The following ACTN2 variants were observed in gnomAD, a reference collection of about 807,000 sequenced individuals.
The protein encoded by ACTN2 is alpha-actinin-2.
In ACTN2, 39 loss-of-function variants were observed where a neutral mutation model predicts 113.8. The observed-to-expected ratio is 0.34, with a 90% CI of 0.27 to 0.45. ACTN2 has a LOEUF of 0.45. ACTN2 is among the 20% of genes least tolerant of loss of function. The pLI is 1.00. For synonymous variants in ACTN2, 429 were observed against 444.1 expected (o/e 0.97, Z 0.43); for missense variants, 992 against 1,177.9 (o/e 0.84, Z 2.31).
Position 236,721,022 on chromosome 1 carries a change from GTTTTTTTTTTTT to G in ACTN2, c.448+843_448+854del, listed in dbSNP as rs869077774. 8.0e-3 allele frequency among the ~76,000 whole-genome samples: 534 copies of G among 66,518 alleles called. 88 individuals are homozygous for G. Among genetic ancestry groups the G allele is most frequent in the South Asian group, 0.033 (55 of 1,688 alleles). The allele number at this position is 66,518 out of a possible 152,430, so 43.6% of individuals were successfully genotyped here. A position where few individuals can be genotyped will look rare whatever the true frequency, so the allele number is the denominator to read the frequency against. The stretch of plus-strand genomic sequence containing the variant: ...CCTCTGACTCTGGTTTTTGTTTTTT[GTTTTTTTTTTTT>G]TTTTTTTTTTTGAGACGGAGTCTCA... On this transcript the variant is annotated intron_variant, in intron 4 of 20. Transcript: ENST00000366578.
chr1:236,746,706 CA>C (rs59603231), intron 12 of ACTN2, among the ~76,000 whole-genome samples: 6,005 of 119,468 alleles, frequency 0.05, 164 homozygotes, highest in Admixed American at 0.13. Context: ...GACCCTGTCT[CA>C]AAAAAAAAAA....
At chr1:236,748,393 A>G (rs904292971) in intron 13 of ACTN2, among the ~76,000 whole-genome samples, 5 of 152,192 alleles carry the variant, frequency 3.3e-5, no homozygotes, top group Admixed American at 1.3e-4. Context: ...TGGCTGTGAC[A>G]TATCTGCTTA....
intron 1 of ACTN2, among the ~76,000 whole-genome samples, chr1:236,711,131 G>A (rs1017835643): frequency 6.6e-6 from 1 of 152,210 alleles, no homozygotes. Context: ...CCAGTGGAGA[G>A]CATCTGCACC....
rs944807325 is a variant in ACTN2 at position 236,703,957 on chromosome 1, T to A, written c.127-13901T>A. On this transcript the variant is annotated intron_variant, in intron 1 of 20. Coordinates refer to ENST00000366578, the MANE Select transcript of ACTN2 (RefSeq NM_001103.4). ...AGGAAATTAACAGATGGAAATACTT[T>A]AGCTTCTTGATAAATGTAAGATCTT... 6.6e-5 allele frequency among the ~76,000 whole-genome samples: 10 copies of A among 152,330 alleles called. No individual in the cohort carries two copies. The East Asian group carries it at 1.9e-3, about 29-fold the overall frequency.
At chr1:236,691,458 C>T (rs1009385488) in intron 1 of ACTN2, among the ~76,000 whole-genome samples, 1 of 151,444 alleles carries the variant, frequency 6.6e-6, no homozygotes, top group Non-Finnish European at 1.5e-5. Flanking sequence ...GCCTGGGCAA[C>T]ACAGCAAGAC....
chr1:236,727,383 C>T (rs1449554261), intron 5 of ACTN2, among the ~76,000 whole-genome samples: 1 of 152,064 alleles, frequency 6.6e-6, no homozygotes, highest in Admixed American at 6.5e-5. Context: ...ACTGGCCGAG[C>T]AGGGACAGCA....
chr1:236,727,764 T>C lies in ACTN2; in HGVS notation c.615+8T>C. ...TACTCAAAGCTTAACAAGGTTATTCTGGGTGGCCTGGCATGCAGTGTCCCC... is the reference window on the plus strand; with the variant it reads ...TACTCAAAGCTTAACAAGGTTATTCCGGGTGGCCTGGCATGCAGTGTCCCC... On this transcript the variant is annotated splice_region_variant and intron_variant, in intron 6 of 20. Coordinates refer to ENST00000366578, the MANE Select transcript of ACTN2 (RefSeq NM_001103.4). 6.2e-7 allele frequency: 1 copy of C among 1,614,066 alleles called. No homozygotes were observed. The highest frequency in any genetic ancestry group is 8.5e-7 in the Non-Finnish European group (1 of 1,179,978).
intron 1 of ACTN2, among the ~76,000 whole-genome samples, chr1:236,707,709 C>CTTTTTTTTTTTTTTT (rs5781919): frequency 2.5e-5 from 2 of 78,760 alleles, no homozygotes; most frequent in African/African-American, 5.0e-5. Flanking sequence ...TCTTTTTTTT[C>CTTTTTTTTTTTTTTT]TTTTTTTTTT....
chr1:236,739,663 C>T (rs964408020), intron 10 of ACTN2, 131 bp downstream of exon 10: 4 of 1,082,612 alleles, frequency 3.7e-6, no homozygotes, highest in Admixed American at 4.0e-5. Context: ...CATTTTGGCC[C>T]TGTAACCACT....
At chr1:236,721,506 A>G (rs1658395399) in intron 4 of ACTN2, among the ~76,000 whole-genome samples, 2 of 152,198 alleles carry the variant, frequency 1.3e-5, no homozygotes, top group South Asian at 4.1e-4. Context: ...ATCTAATGGC[A>G]TTAAAACAAT....
intron 19 of ACTN2, among the ~76,000 whole-genome samples, chr1:236,759,998 C>T (rs1443223841): frequency 6.6e-6 from 1 of 152,192 alleles, no homozygotes. Flanking sequence ...GTAATCCCAG[C>T]ACTTTGGGAG....
At chr1:236,728,124 A>G (rs1468930215) in intron 6 of ACTN2, among the ~76,000 whole-genome samples, 1 of 150,582 alleles carries the variant, frequency 6.6e-6, no homozygotes, top group Admixed American at 6.7e-5. Context: ...CGGGGAAGAA[A>G]GATTCAGATA....
rs768605809 is a variant in ACTN2 at position 236,686,727 on chromosome 1, G to C, written c.54G>C (p.Glu18Asp). Residue 18 changes from glutamate to aspartate, a missense_variant, in exon 1 of 21, where the codon GAG becomes GAC. Physicochemically the swap from Glu to Asp is conservative, Grantham distance 45. Around this residue, in one of 3 missense-constraint regions of ACTN2, gnomAD observed 36 missense variants for 25.0 expected, o/e 1.44. Transcript: ENST00000366578. ...ACAACTACGTGTACGACGAGGATGA[G>C]TACATGATCCAGGAGGAGGAGTGGG... ...VQYNYVYDED[E>D]YMIQEEEWDR... The C allele has an allele frequency of 7.0e-6, 11 of 1,564,188 alleles. No individual in the cohort carries two copies. In the Admixed American group the frequency reaches 7.3e-5, roughly 10 times the overall value.
At chr1:236,694,468 C>T (rs2102861572) in intron 1 of ACTN2, among the ~76,000 whole-genome samples, 1 of 151,952 alleles carries the variant, frequency 6.6e-6, no homozygotes, top group Non-Finnish European at 1.5e-5. Flanking sequence ...AGTGATCCAC[C>T]CGCCTCGACC....
chr1:236,712,257 A>G (rs773517633), intron 1 of ACTN2, among the ~76,000 whole-genome samples: 8 of 152,196 alleles, frequency 5.3e-5, no homozygotes, highest in Non-Finnish European at 8.8e-5. Flanking sequence ...TCCCTAGGCA[A>G]TGGTAATTAA....
intron 17 of ACTN2, 62 bp from the exon 18 acceptor site, chr1:236,757,424 A>C: frequency 2.5e-6 from 4 of 1,605,706 alleles, no homozygotes; most frequent in Non-Finnish European, 3.4e-6. Context: ...TATGAAAGTA[A>C]AGAGGCAGAG....
At chr1:236,737,317 A>ATATATATATATATATATC in intron 9 of ACTN2, 103 bp downstream of exon 9, 1 of 288,956 alleles carries the variant, frequency 3.5e-6, no homozygotes, top group Non-Finnish European at 7.1e-6. Flanking sequence ...ATATATATAT[A>ATATATATATATATATATC]TTTTGCATTT....
At chr1:236,708,683 G>A (rs539061142) in intron 1 of ACTN2, among the ~76,000 whole-genome samples, 2 of 152,344 alleles carry the variant, frequency 1.3e-5, no homozygotes, top group African/African-American at 4.8e-5. Context: ...CAGTTCGTGT[G>A]ATGTATGTAC....
At chr1:236,692,797 A>AG (rs5781912) in intron 1 of ACTN2, among the ~76,000 whole-genome samples, 149,178 of 152,256 alleles carry the variant, frequency 0.98, 73,150 homozygotes, top group East Asian at 1. Context: ...AAGATTTTCC[A>AG]GAGTGTGGGA....
Sources: gnomAD v4.1 joint callset for allele counts (sites outside exome capture counted in the v4.1 genomes callset) on GRCh38, gnomAD v4.1.1 for gene constraint, gnomAD v4.1.1 regional missense constraint, MANE v1.5 for transcripts, NCBI Gene and HGNC (gene_info 2026-07-23, HGNC 2026-07-21) for gene names.